DACH1: variants seen among roughly 807,000 people sequenced by gnomAD.
DACH1 encodes dachshund family transcription factor 1.
In DACH1, 12 loss-of-function variants were observed where a neutral mutation model predicts 54.2. The ratio of observed to expected loss-of-function variants is 0.22; its 90% CI spans 0.14 to 0.36. DACH1 has a LOEUF of 0.36. Among genes scored for constraint, DACH1 ranks in the 10% least tolerant of loss-of-function variants. The pLI is 1.00. For synonymous variants in DACH1, 386 were observed against 366.2 expected, an observed-to-expected ratio of 1.05 and a Z score of -0.62; for missense variants, 805 against 929.8, an observed-to-expected ratio of 0.87 and a Z score of 1.75.
chr13:71,772,164 T>C (rs1885883692), intron 1 of DACH1, among the ~76,000 whole-genome samples: 2 of 151,620 alleles, frequency 1.3e-5, no homozygotes, highest in Admixed American at 1.3e-4. Context: ...TACACAGTAA[T>C]ATGAATATGT....
intron 7 of DACH1, among the ~76,000 whole-genome samples, chr13:71,480,027 C>A (rs958970397): frequency 6.6e-6 from 1 of 152,072 alleles, no homozygotes; most frequent in Non-Finnish European, 1.5e-5. Flanking sequence ...GTGGTATTGA[C>A]ATATATTTAT....
Position 71,757,851 on chromosome 13 carries a change from G to A in DACH1, c.849-75941C>T, listed in dbSNP as rs186942087. 5.3e-5 allele frequency among the ~76,000 whole-genome samples: 8 copies of A among 152,140 alleles called. No individual in the cohort carries two copies. In the East Asian group the frequency reaches 1.4e-3, roughly 26 times the overall value. On this transcript the variant is annotated intron_variant, in intron 1 of 10. Transcript: ENST00000613252. ...AAGGTACTTTGAAAGTAGCAATCCA[G>A]TTGTTGATAATCACAATGGCATTTC...
Position 71,834,887 on chromosome 13 carries a change from G to A in DACH1, c.848+31035C>T, listed in dbSNP as rs149096309. Among the ~76,000 whole-genome samples the A allele has an allele frequency of 7.0e-4, 106 of 152,102 alleles. 1 individual carries two copies. Among genetic ancestry groups the A allele is most frequent in the African/African-American group, 2.4e-3 (98 of 41,500 alleles). On this transcript the variant is annotated intron_variant, in intron 1 of 10. Coordinates refer to ENST00000613252, the MANE Select transcript of DACH1 (RefSeq NM_080759.6). ...TTTGTCGGCATTCTGAAAATCCCAGGCATTGCATTTTTACCTCTGCTTTTT... is the reference window on the plus strand; with the variant it reads ...TTTGTCGGCATTCTGAAAATCCCAGACATTGCATTTTTACCTCTGCTTTTT...
At chr13:71,691,201 T>C (rs934529834) in intron 1 of DACH1, among the ~76,000 whole-genome samples, 3 of 152,198 alleles carry the variant, frequency 2.0e-5, no homozygotes, top group African/African-American at 7.2e-5. Flanking sequence ...TATGAACCCA[T>C]TGCTCCTATC....
chr13:71,498,920 C>A (rs1879670899), intron 6 of DACH1, among the ~76,000 whole-genome samples: 1 of 152,096 alleles, frequency 6.6e-6, no homozygotes, highest in African/African-American at 2.4e-5. Flanking sequence ...TAAGATCAAG[C>A]TATCTATTAA....
chr13:71,675,164 G>A (rs1214426730), intron 2 of DACH1: 5 of 1,582,186 alleles, frequency 3.2e-6, no homozygotes, highest in African/African-American at 1.3e-5. Flanking sequence ...CCCTCTACTG[G>A]AGGGGTGAAG....
intron 1 of DACH1, among the ~76,000 whole-genome samples, chr13:71,684,624 G>A (rs751114853): frequency 6.6e-6 from 1 of 151,936 alleles, no homozygotes; most frequent in Non-Finnish European, 1.5e-5. Flanking sequence ...TGTGCTCTAC[G>A]ATAGAGCATG....
chr13:71,587,527 C>T (rs1451693740), intron 3 of DACH1, among the ~76,000 whole-genome samples: 2 of 151,898 alleles, frequency 1.3e-5, no homozygotes, highest in South Asian at 4.2e-4. Flanking sequence ...CTTGGAATAC[C>T]ACATCTTCAG....
At chr13:71,791,367 T>A (rs1375769419) in intron 1 of DACH1, among the ~76,000 whole-genome samples, 2 of 152,080 alleles carry the variant, frequency 1.3e-5, no homozygotes, top group African/African-American at 4.8e-5. Context: ...TCTTTGTTTG[T>A]TTGTTTGGTT....
intron 2 of DACH1, among the ~76,000 whole-genome samples, chr13:71,632,794 C>T (rs1877209215): frequency 6.6e-6 from 1 of 152,132 alleles, no homozygotes; most frequent in South Asian, 2.1e-4. Context: ...CTAATCTAAA[C>T]TCAAAGAATC....
intron 3 of DACH1, among the ~76,000 whole-genome samples, chr13:71,612,598 A>G (rs1875415630): frequency 6.6e-6 from 1 of 152,210 alleles, no homozygotes; most frequent in African/African-American, 2.4e-5. Context: ...TGTCAAGCAA[A>G]AAACGATCTT....
chr13:71,544,677 T>C (rs758611809), intron 6 of DACH1, among the ~76,000 whole-genome samples: 1 of 152,118 alleles, frequency 6.6e-6, no homozygotes, highest in Non-Finnish European at 1.5e-5. Context: ...TAAATCATTC[T>C]CTTTTATGCA....
At chr13:71,766,491 C>A (rs1232709569) in intron 1 of DACH1, among the ~76,000 whole-genome samples, 1 of 152,112 alleles carries the variant, frequency 6.6e-6, no homozygotes, top group Admixed American at 6.5e-5. Flanking sequence ...ATAATGTAAC[C>A]TCCATTAGCC....
At chr13:71,670,357 G>C (rs1880135881) in intron 2 of DACH1, among the ~76,000 whole-genome samples, 2 of 152,052 alleles carry the variant, frequency 1.3e-5, no homozygotes, top group African/African-American at 2.4e-5. Context: ...ATAATCAATT[G>C]AAAGCAATCT....
chr13:71,833,922 C>G (rs7987538), intron 1 of DACH1, among the ~76,000 whole-genome samples: 151,958 of 152,110 alleles, frequency 1, 75,903 homozygotes, highest in Non-Finnish European at 1. Flanking sequence ...AATTCAAGTA[C>G]ACCCTATCTA....
At chr13:71,865,547 G>T (rs1202262970) in intron 1 of DACH1, among the ~76,000 whole-genome samples, 1 of 152,144 alleles carries the variant, frequency 6.6e-6, no homozygotes, top group South Asian at 2.1e-4. Context: ...GGACAGCAGC[G>T]CTGAGAGGGG....
intron 6 of DACH1, among the ~76,000 whole-genome samples, chr13:71,541,266 T>G (rs892922740): frequency 6.6e-6 from 1 of 152,078 alleles, no homozygotes. Context: ...AAAGAAATAT[T>G]GCTTCCTTGA....
intron 1 of DACH1, among the ~76,000 whole-genome samples, chr13:71,842,637 A>G (rs1872955825): frequency 6.6e-6 from 1 of 152,114 alleles, no homozygotes; most frequent in Non-Finnish European, 1.5e-5. Context: ...TGTGACAAGT[A>G]GAGAAAAGAA....
intron 1 of DACH1, among the ~76,000 whole-genome samples, chr13:71,710,828 A>G (rs1414456713): frequency 6.6e-6 from 1 of 152,142 alleles, no homozygotes; most frequent in African/African-American, 2.4e-5. Context: ...TTACTTAAAA[A>G]TTGTATTAGG....
Sources: allele counts gnomAD v4.1 joint callset (sites outside exome capture counted in the v4.1 genomes callset), GRCh38; gene constraint gnomAD v4.1.1; transcripts MANE v1.5; gene names NCBI Gene and HGNC (gene_info 2026-07-23, HGNC 2026-07-21).